MEFV: variants seen among roughly 807,000 people sequenced by gnomAD.
MEFV encodes pyrin.
Under a neutral mutation model 62.5 loss-of-function variants are expected in MEFV, and 60 were observed. The ratio of observed to expected loss-of-function variants is 0.96; its 90% confidence interval spans 0.78 to 1.19. MEFV has a LOEUF of 1.19. Ranked by LOEUF, MEFV falls within the 50% of genes most tolerant of loss-of-function variation. MEFV has a pLI of 0.00. For synonymous variants in MEFV, 500 were observed against 415.2 expected (o/e 1.20, Z -2.48); for missense variants, 1,169 against 1,004.5 (o/e 1.16, Z -2.21).
At chr16:3,245,873 C>A (rs990392556) in intron 6 of MEFV, among the ~76,000 whole-genome samples, 1 of 152,162 alleles carries the variant, frequency 6.6e-6, no homozygotes, top group African/African-American at 2.4e-5. Flanking sequence ...TATTTGTACA[C>A]CCTTGTTCAT....
In MEFV at chr16:3,243,472, G is replaced by A. The variant is rs1281431421; in HGVS notation, c.2015C>T (p.Thr672Ile). Residue 672 changes from threonine to isoleucine, a missense_variant, in exon 10 of 10, where the codon ACA becomes ATA. Thr to Ile is a moderately conservative substitution (Grantham distance 89). Transcript: ENST00000219596. The part of the protein sequence containing the change: ...KTAWILGACK[T>I]SISRKGNMTL... ...CATGTTCCCTTTCCTGCTTATGGATGTCTTGCAGGCTCCCAGGATCCATGC... is the reference window on the plus strand; with the variant it reads ...CATGTTCCCTTTCCTGCTTATGGATATCTTGCAGGCTCCCAGGATCCATGC... 6.2e-7 allele frequency: 1 copy of A among 1,614,090 alleles called. No individual in the cohort carries two copies. The highest frequency in any genetic ancestry group is 1.7e-5 in the Admixed American group (1 of 60,016).
intron 1 of MEFV, 138 bp from the exon 2 acceptor site, chr16:3,254,928 TG>T (rs1274131238): frequency 2.8e-6 from 4 of 1,411,742 alleles, no homozygotes; most frequent in Non-Finnish European, 3.9e-6. Context: ...CGGTGGCTCA[TG>T]CCTGTATTCC....
chr16:3,247,551 TA>T lies in MEFV; in HGVS notation c.1357-306del, dbSNP rs11466028. Reference sequence around the variant, plus strand: ...CTCAGCATGTGATCTTATTTGGAGATAAGAGTTCTTGCAGATGTAATTAGTT... The same window carrying T: ...CTCAGCATGTGATCTTATTTGGAGATAGAGTTCTTGCAGATGTAATTAGTT... On this transcript the variant is annotated intron_variant, in intron 4 of 9. Coordinates refer to ENST00000219596, the MANE Select transcript of MEFV (RefSeq NM_000243.3). The T allele has an allele frequency of 0.57, 228,794 of 399,920 alleles. 67,152 individuals carry two copies. Among genetic ancestry groups the T allele is most frequent in the South Asian group, 0.7 (24,338 of 34,950 alleles). The allele number at this position is 399,920 out of a possible 1,614,324, so 24.8% of individuals were successfully genotyped here. A position where few individuals can be genotyped will look rare whatever the true frequency, so the allele number is the denominator to read the frequency against.
At chr16:3,243,972 A>G (rs756017728) in intron 8 of MEFV, 80 bp from the exon 9 acceptor site, 3 of 1,585,800 alleles carry the variant, frequency 1.9e-6, no homozygotes, top group African/African-American at 1.3e-5. Context: ...CCTGACAACA[A>G]GGAAAGACAA....
intron 2 of MEFV, among the ~76,000 whole-genome samples, chr16:3,250,980 C>T (rs183786349): frequency 2.4e-4 from 35 of 144,020 alleles, no homozygotes; most frequent in African/African-American, 6.6e-4. Flanking sequence ...GCTGAAGTTG[C>T]GCCACTGCAC....
rs755178462 is a variant in MEFV at position 3,254,272 on chromosome 16, T to C, written c.796A>G (p.Lys266Glu). 18 of 1,614,142 alleles carry C rather than the reference T, an allele frequency of 1.1e-5. No homozygotes were observed. The African/African-American group carries it at 1.9e-4, about 17-fold the overall frequency. The part of the protein sequence containing the change: ...NPEILLTLEE[K>E]TAANLDSATE... ...GCCGAGTCCAGATTCGCAGCTGTCT[T>C]TTCCTCTAGAGTCAGGAGAATTTCT... The change falls in exon 2 of 10, where the codon AAG becomes GAG. Residue 266 changes from lysine to glutamate, a missense_variant. Coordinates refer to ENST00000219596, the MANE Select transcript of MEFV (RefSeq NM_000243.3).
intron 1 of MEFV, among the ~76,000 whole-genome samples, chr16:3,255,812 T>C (rs1333191663): frequency 2.0e-5 from 3 of 151,962 alleles, no homozygotes; most frequent in Non-Finnish European, 2.9e-5. Context: ...GCTTTAAAAA[T>C]AAAAATAAGC....
At chr16:3,251,396 A>C (rs1959030031) in intron 2 of MEFV, among the ~76,000 whole-genome samples, 1 of 152,190 alleles carries the variant, frequency 6.6e-6, no homozygotes. Context: ...GCCTGGCATG[A>C]GGACGTCACC....
At chr16:3,252,272 CT>C (rs534371432) in intron 2 of MEFV, among the ~76,000 whole-genome samples, 2,227 of 130,706 alleles carry the variant, frequency 0.017, 10 homozygotes, top group Non-Finnish European at 0.023. Context: ...ACTCCCAATT[CT>C]TTTTTTTTTT....
intron 2 of MEFV, 33 bp downstream of exon 2, chr16:3,254,125 A>C: frequency 6.2e-7 from 1 of 1,610,232 alleles, no homozygotes; most frequent in East Asian, 2.2e-5. Context: ...CTTTCTCTGC[A>C]GCCGATATAA....
rs1372111494 is a variant in MEFV at position 3,243,273 on chromosome 16, G to A, written c.2214C>T (p.Ser738=). ...SISFYNVTAR[S]HIYTFASCSF... is the part of the protein sequence containing the mutation. Reference sequence around the variant, plus strand: ...AGCAGCTGGCGAATGTATAGATGTGGGATCTGGCTGTCACATTGTAAAAGG... The same window carrying A: ...AGCAGCTGGCGAATGTATAGATGTGAGATCTGGCTGTCACATTGTAAAAGG... The change falls in exon 10 of 10, where the codon TCC becomes TCT. Residue 738 remains serine (S), a synonymous_variant. Coordinates refer to ENST00000219596, the MANE Select transcript of MEFV (RefSeq NM_000243.3). 5 of 1,614,068 alleles carry A rather than the reference G, an allele frequency of 3.1e-6. No homozygotes were observed. Among genetic ancestry groups the A allele is most frequent in the Non-Finnish European group, 4.2e-6 (5 of 1,180,038 alleles).
chr16:3,246,327 G>A (rs930176748), intron 6 of MEFV, 198 bp downstream of exon 6: 19 of 626,034 alleles, frequency 3.0e-5, no homozygotes, highest in East Asian at 5.5e-5. Context: ...CTCCATACCC[G>A]GCCAGCCTCC....
intron 2 of MEFV, chr16:3,251,883 C>T (rs145732432): frequency 4.3e-5 from 9 of 208,394 alleles, no homozygotes; most frequent in East Asian, 2.7e-4. Flanking sequence ...ATCAGATTAA[C>T]GAAGCGGCCC....
Position 3,256,106 on chromosome 16 carries a change from T to C in MEFV, c.277+205A>G, listed in dbSNP as rs540278704. On this transcript the variant is annotated intron_variant, in intron 1 of 9. Coordinates refer to ENST00000219596, the MANE Select transcript of MEFV (RefSeq NM_000243.3). ...CTGACCTGCTTCTTAAAAAACCCAT[T>C]AGGAGCCTGAAGGAAGTTTACTAAC... is the stretch of plus-strand genomic sequence containing the variant. Among the ~76,000 whole-genome samples the C allele has an allele frequency of 5.9e-5, 9 of 152,200 alleles. No individual in the cohort carries two copies. In the South Asian group the frequency reaches 1.9e-3, roughly 32 times the overall value.
At position 3,254,810 on chromosome 16, in the gene MEFV, C is replaced by G. The variant is rs984309072; in HGVS notation, c.278-20G>C. On this transcript the variant is annotated intron_variant, in intron 1 of 9. Coordinates refer to ENST00000219596, the MANE Select transcript of MEFV (RefSeq NM_000243.3). ...AATATTCTGGAAGGACAACCAGATGCAAAATGATGAAGCTGTCCCACGTTT... is the reference window on the plus strand; with the variant it reads ...AATATTCTGGAAGGACAACCAGATGGAAAATGATGAAGCTGTCCCACGTTT... 3.1e-6 allele frequency: 5 copies of G among 1,609,058 alleles called. No homozygotes were observed. In the African/African-American group the frequency reaches 6.7e-5, roughly 21 times the overall value.
chr16:3,250,970 G>C (rs1959023208), intron 2 of MEFV, among the ~76,000 whole-genome samples: 1 of 145,770 alleles, frequency 6.9e-6, no homozygotes, highest in African/African-American at 2.6e-5. Context: ...TTTGCAGTGA[G>C]CTGAAGTTGC....
intron 1 of MEFV, among the ~76,000 whole-genome samples, chr16:3,255,562 G>A (rs1055706574): frequency 7.3e-5 from 11 of 151,592 alleles, no homozygotes; most frequent in African/African-American, 2.4e-4. Context: ...GTGCTACCAC[G>A]CCTGGCTCAT....
chr16:3,248,657 G>T, intron 4 of MEFV: 1 of 1,158,244 alleles, frequency 8.6e-7, no homozygotes, highest in Non-Finnish European at 1.2e-6. Context: ...CACCGGCATA[G>T]GTTGCTCTCT....
intron 4 of MEFV, chr16:3,248,605 C>T (rs532505440): frequency 2.4e-5 from 14 of 588,098 alleles, no homozygotes; most frequent in South Asian, 1.1e-4. Context: ...AAGAAAGTGG[C>T]GTTCTCCTCC....
Sources: allele counts gnomAD v4.1 joint callset (sites outside exome capture counted in the v4.1 genomes callset), GRCh38; gene constraint gnomAD v4.1.1; transcripts MANE v1.5; gene names NCBI Gene and HGNC (gene_info 2026-07-23, HGNC 2026-07-21).